TNNT1: variants seen among roughly 807,000 people sequenced by gnomAD.
TNNT1 encodes the protein troponin T1, slow skeletal type.
TNNT1 carries 53 observed loss-of-function variants against 50.6 expected under a neutral mutation model. That is an observed-to-expected ratio of 1.05 (90% confidence interval 0.84 to 1.32). The LOEUF is 1.32. Among genes scored for constraint, TNNT1 ranks in the 40% most tolerant of loss-of-function variants. The probability of loss-of-function intolerance (pLI) is 0.00; values close to 1 mark genes in which losing one functional copy is unlikely to be tolerated. For synonymous variants in TNNT1, 142 were observed against 138.0 expected (o/e 1.03, Z -0.20); for missense variants, 348 against 381.7 (o/e 0.91, Z 0.74).
rs1555855686 is a variant in TNNT1 at position 55,134,127 on chromosome 19, A to G, written c.689T>C (p.Ile230Thr). The G allele has an allele frequency of 1.1e-5, 18 of 1,610,712 alleles. No individual in the cohort carries two copies. The South Asian group carries it at 2.0e-4, about 18-fold the overall frequency. The change falls in exon 12 of 14, where the codon ATC becomes ACC. Residue 230 changes from isoleucine (I) to threonine (T), a missense_variant. This residue lies in a region of TNNT1 where 253 missense variants were observed against 291.8 expected (regional missense o/e 0.87). Coordinates refer to ENST00000588981, the MANE Select transcript of TNNT1 (RefSeq NM_003283.6). Reference sequence around the variant, plus strand: ...GAACTTCTCAGACTCCAGCTGGTGGATCCAGTCCGACAGCTCCTGGGCTTT... The same window carrying G: ...GAACTTCTCAGACTCCAGCTGGTGGGTCCAGTCCGACAGCTCCTGGGCTTT... ...REKAQELSDW[I>T]HQLESEKFDL...
rs2085464579 is a variant in TNNT1, at chr19:55,141,940, G to A, written c.129-20C>T. On this transcript the variant is annotated intron_variant, in intron 6 of 13. Transcript: ENST00000588981. ...GGGCGGCTGAGTGGACAGAAACACA[G>A]AGACCATGAGTGGCCCGACCTCCCT... 7 of 1,613,748 alleles carry A rather than the reference G, an allele frequency of 4.3e-6. No homozygotes were observed. Among genetic ancestry groups the A allele is most frequent in the Non-Finnish European group, 5.9e-6 (7 of 1,179,730 alleles).
intron 10 of TNNT1, 78 bp from the exon 11 acceptor site, chr19:55,137,290 G>T: frequency 2.0e-6 from 2 of 1,003,486 alleles, no homozygotes; most frequent in Non-Finnish European, 3.1e-6. Flanking sequence ...CCACACGTCG[G>T]ATCCCACAGA....
intron 4 of TNNT1, 37 bp downstream of exon 4, chr19:55,146,644 C>T (rs544062952): frequency 1.4e-6 from 2 of 1,389,152 alleles, no homozygotes; most frequent in African/African-American, 1.5e-5. Flanking sequence ...CGCCCCCCCA[C>T]CCCCCAGCTC....
rs372537460 is a variant in TNNT1, at chr19:55,141,171, G to C, written c.309+15C>G. 2.2e-5 allele frequency: 36 copies of C among 1,608,014 alleles called. 1 individual carries two copies. In the South Asian group the frequency reaches 4.0e-4, roughly 18 times the overall value. ...GAGGGAGGAAGACCGGGGGGAACCC[G>C]GACTCTCGGCTCACAATGCGCTCCT... On this transcript the variant is annotated intron_variant, in intron 8 of 13. Transcript: ENST00000588981.
chr19:55,146,126 G>T (rs567618842), intron 5 of TNNT1, among the ~76,000 whole-genome samples: 17 of 152,232 alleles, frequency 1.1e-4, no homozygotes, highest in African/African-American at 4.1e-4. Context: ...CGAAGATAAG[G>T]GGGGATGGGG....
chr19:55,147,204 GC>G (rs753252698), intron 1 of TNNT1, 36 bp from the exon 2 acceptor site: 7 of 1,606,726 alleles, frequency 4.4e-6, no homozygotes, highest in Non-Finnish European at 1.7e-6. Context: ...GTGGGGTGGG[GC>G]CCCAAGGAGG....
At position 55,146,292 on chromosome 19, in the gene TNNT1, A is replaced by T. The variant is rs569471413; in HGVS notation, c.106+142T>A. On this transcript the variant is annotated intron_variant, in intron 5 of 13. Transcript: ENST00000588981. ...GCCCCGAGAGGGCGCAGGAGCTCTC[A>T]GGGGCTTAAAGGACCGGGCCTGGGG... 3.4e-4 allele frequency: 153 copies of T among 456,372 alleles called. 1 individual carries two copies. The South Asian group carries it at 7.9e-3, about 24-fold the overall frequency. The allele number at this position is 456,372 out of a possible 1,614,324, so 28.3% of individuals were successfully genotyped here. A position where few individuals can be genotyped will look rare whatever the true frequency, so the allele number is the denominator to read the frequency against.
chr19:55,147,104 C>G, intron 2 of TNNT1, 22 bp downstream of exon 2: 1 of 1,613,762 alleles, frequency 6.2e-7, no homozygotes, highest in Non-Finnish European at 8.5e-7. Context: ...CACGCCCCAA[C>G]CCCTCCCAGT....
chr19:55,140,272 C>A (rs894862231), intron 9 of TNNT1, among the ~76,000 whole-genome samples: 10 of 151,822 alleles, frequency 6.6e-5, no homozygotes, highest in African/African-American at 2.4e-4. Flanking sequence ...CCAGCCTGGA[C>A]AACATGGCAA....
At chr19:55,142,144 G>C (rs2085469216) in intron 6 of TNNT1, 1 of 500,434 alleles carries the variant, frequency 2.0e-6, no homozygotes, top group African/African-American at 2.0e-5. Context: ...TTTTTTTGAC[G>C]GAGTCTTGCT....
chr19:55,147,124 ACTC>A lies in TNNT1; in HGVS notation c.31_32+1del, dbSNP rs944152647. 9 of 1,613,104 alleles carry A rather than the reference ACTC, an allele frequency of 5.6e-6. No individual in the cohort carries two copies. The highest frequency in any genetic ancestry group is 1.3e-5 in the African/African-American group (1 of 74,660). ...CCCAACCCCTCCCAGTGCAGCACTC[ACTC>A]CTCATATTCCTGCTCCTCGGTGTCC... is the stretch of plus-strand genomic sequence containing the variant. On this transcript the variant is annotated splice_donor_variant and coding_sequence_variant, in exon 2 of 14. Coordinates refer to ENST00000588981, the MANE Select transcript of TNNT1 (RefSeq NM_003283.6). LOFTEE classifies it high-confidence loss of function.
At chr19:55,140,082 C>T (rs2085422578) in intron 9 of TNNT1, among the ~76,000 whole-genome samples, 2 of 150,782 alleles carry the variant, frequency 1.3e-5, no homozygotes, top group African/African-American at 4.9e-5. Flanking sequence ...GAGATCGCGT[C>T]ACTGCACTCC....
intron 9 of TNNT1, among the ~76,000 whole-genome samples, chr19:55,138,407 A>G (rs1437469230): frequency 6.6e-6 from 1 of 151,890 alleles, no homozygotes; most frequent in African/African-American, 2.4e-5. Context: ...CCTCCTGAGT[A>G]GCTGGGATTA....
chr19:55,132,990 A>AAGGGGCCCATTTCAGAGACTGG, intron 13 of TNNT1, 30 bp from the exon 14 acceptor site: 1 of 1,583,144 alleles, frequency 6.3e-7, no homozygotes, highest in African/African-American at 1.3e-5. Flanking sequence ...TATCAGGAAA[A>AAGGGGCCCATTTCAGAGACTGG]AGGGGCCCCT....
At chr19:55,147,220 G>A (rs1480565979) in intron 1 of TNNT1, 52 bp from the exon 2 acceptor site, 15 of 1,569,730 alleles carry the variant, frequency 9.6e-6, no homozygotes, top group South Asian at 5.7e-5. Flanking sequence ...AGGAGGGGGC[G>A]ACCTAGACTC....
rs1380959392 is a variant in TNNT1 at position 55,147,128 on chromosome 19, C to T, written c.30G>A (p.Glu10=). ...ACCCCTCCCAGTGCAGCACTCACTC[C>T]TCATATTCCTGCTCCTCGGTGTCCG... MSDTEEQEY[E]EEQPEEEAAE... Residue 10 remains glutamate (E), a splice_region_variant and synonymous_variant, in exon 2 of 14, where the codon GAG becomes GAA. Coordinates refer to ENST00000588981, the MANE Select transcript of TNNT1 (RefSeq NM_003283.6). 2 of 1,613,890 alleles carry T rather than the reference C, an allele frequency of 1.2e-6. No individual in the cohort carries two copies.
At chr19:55,137,460 A>G (rs1253071540) in intron 10 of TNNT1, among the ~76,000 whole-genome samples, 2 of 133,474 alleles carry the variant, frequency 1.5e-5, no homozygotes, top group East Asian at 2.5e-4. Flanking sequence ...CGCATTAGGA[A>G]CCAGAAGTCT....
At chr19:55,145,428 G>GAA in intron 6 of TNNT1, 116 bp downstream of exon 6, 6 of 920,882 alleles carry the variant, frequency 6.5e-6, no homozygotes, top group Non-Finnish European at 1.0e-5. Flanking sequence ...GAGAAATGTC[G>GAA]ACTGCTGTTT....
intron 1 of TNNT1, among the ~76,000 whole-genome samples, chr19:55,148,430 C>A (rs2085620940): frequency 6.6e-6 from 1 of 152,014 alleles, no homozygotes; most frequent in African/African-American, 2.4e-5. Flanking sequence ...CTTTGAGACA[C>A]CCTAGGCCAC....
Sources: gnomAD v4.1 joint callset for allele counts (sites outside exome capture counted in the v4.1 genomes callset) on GRCh38, gnomAD v4.1.1 for gene constraint, gnomAD v4.1.1 regional missense constraint, MANE v1.5 for transcripts, NCBI Gene and HGNC (gene_info 2026-07-23, HGNC 2026-07-21) for gene names.